The following DLGAP1 variants were observed in gnomAD, a reference collection of about 807,000 sequenced individuals.
DLGAP1 encodes DLG associated protein 1, also known as disks large-associated protein 1.
DLGAP1 carries 11 observed loss-of-function variants against 90.8 expected under a neutral mutation model. The ratio of observed to expected loss-of-function variants is 0.12; its 90% CI spans 0.08 to 0.20. The LOEUF (loss-of-function observed/expected upper bound fraction) is 0.20. Ranked by LOEUF, DLGAP1 falls within the 10% of genes least tolerant of loss-of-function variation. The pLI, the probability that DLGAP1 is intolerant of heterozygous loss-of-function variation, is 1.00. For synonymous variants in DLGAP1, 558 were observed against 540.7 expected (o/e 1.03, Z -0.44); for missense variants, 1,050 against 1,333.8 (o/e 0.79, Z 3.31).
chr18:3,926,419 TATACAC>T lies in DLGAP1; in HGVS notation c.-72-46285_-72-46280del, dbSNP rs1436913600. ...CAAATGACATATATATATATATATA[TATACAC>T]ACACACACACACACACACACATGCA... On this transcript the variant is annotated intron_variant, in intron 3 of 12. Transcript: ENST00000315677. 6.5e-4 allele frequency among the ~76,000 whole-genome samples: 79 copies of T among 122,454 alleles called. No homozygotes were observed. In the East Asian group the frequency reaches 0.011, roughly 17 times the overall value. The allele number at this position is 122,454 out of a possible 152,430, so 80.3% of individuals were successfully genotyped here. A position where few individuals can be genotyped will look rare whatever the true frequency, so the allele number is the denominator to read the frequency against.
rs1343251295 is a variant in DLGAP1 at position 4,338,210 on chromosome 18, A to G, written c.-267+116796T>C. Among the ~76,000 whole-genome samples the G allele has an allele frequency of 2.0e-5, 3 of 152,308 alleles. No individual in the cohort carries two copies. The East Asian group carries it at 5.8e-4, about 29-fold the overall frequency. On this transcript the variant is annotated intron_variant, in intron 1 of 12. Coordinates refer to ENST00000315677, the MANE Select transcript of DLGAP1 (RefSeq NM_004746.4). The stretch of plus-strand genomic sequence containing the variant: ...ATCATGATCACAAATAATTTCTTGG[A>G]AAGAAATTACATTTTTACTGTTAAA...
At chr18:3,642,968 C>A (rs1217889647) in intron 7 of DLGAP1, among the ~76,000 whole-genome samples, 1 of 152,182 alleles carries the variant, frequency 6.6e-6, no homozygotes, top group Non-Finnish European at 1.5e-5. Context: ...TATGCCTCCC[C>A]ACATATGAAA....
At chr18:3,618,219 A>C (rs959357744) in intron 7 of DLGAP1, among the ~76,000 whole-genome samples, 10 of 152,314 alleles carry the variant, frequency 6.6e-5, no homozygotes, top group African/African-American at 1.9e-4. Context: ...AACAGCAATT[A>C]CTCTAACAAG....
chr18:4,004,506 C>G (rs2149081767), intron 3 of DLGAP1, among the ~76,000 whole-genome samples: 1 of 152,010 alleles, frequency 6.6e-6, no homozygotes, highest in East Asian at 1.9e-4. Flanking sequence ...ATTTTTAGCC[C>G]TGAAATACAC....
At chr18:4,331,509 C>A (rs1425093800) in intron 1 of DLGAP1, among the ~76,000 whole-genome samples, 1 of 151,746 alleles carries the variant, frequency 6.6e-6, no homozygotes, top group East Asian at 1.9e-4. Context: ...CCCTCTGTAA[C>A]CCACCTTCAT....
At chr18:3,738,056 C>T (rs1455859496) in intron 6 of DLGAP1, among the ~76,000 whole-genome samples, 1 of 151,790 alleles carries the variant, frequency 6.6e-6, no homozygotes, top group Non-Finnish European at 1.5e-5. Flanking sequence ...ACCTACGAAT[C>T]CAACTTACAA....
chr18:4,099,447 C>A (rs551253836), intron 2 of DLGAP1, among the ~76,000 whole-genome samples: 7 of 152,152 alleles, frequency 4.6e-5, no homozygotes, highest in Admixed American at 2.0e-4. Flanking sequence ...TTTTCAGTTT[C>A]CCAATGCGTG....
chr18:3,692,068 T>C (rs1382315504), intron 7 of DLGAP1, among the ~76,000 whole-genome samples: 1 of 152,246 alleles, frequency 6.6e-6, no homozygotes, highest in Non-Finnish European at 1.5e-5. Flanking sequence ...TTTTCTTTAG[T>C]TCATCTTAAT....
chr18:3,580,622 G>C, intron 8 of DLGAP1: 1 of 1,592,738 alleles, frequency 6.3e-7, no homozygotes, highest in East Asian at 2.2e-5. Flanking sequence ...AGAATGTGCC[G>C]GTGAGCCTTT....
chr18:4,369,663 G>C (rs79914306), intron 1 of DLGAP1, among the ~76,000 whole-genome samples: 2 of 151,668 alleles, frequency 1.3e-5, no homozygotes, highest in African/African-American at 4.9e-5. Context: ...CCAGGCTCTC[G>C]GGGAATAAAG....
chr18:3,590,409 T>C (rs73381217), intron 7 of DLGAP1, among the ~76,000 whole-genome samples: 43,026 of 151,984 alleles, frequency 0.28, 6,135 homozygotes, highest in East Asian at 0.34. Context: ...GAAATCCAGG[T>C]TCCCCCCTGT....
intron 1 of DLGAP1, among the ~76,000 whole-genome samples, chr18:4,191,682 A>T (rs1204867339): frequency 6.6e-6 from 1 of 152,178 alleles, no homozygotes; most frequent in Non-Finnish European, 1.5e-5. Flanking sequence ...CTCTGTGGCT[A>T]ATTGTCCCCC....
At chr18:3,690,325 G>A (rs1254951909) in intron 7 of DLGAP1, among the ~76,000 whole-genome samples, 2 of 152,044 alleles carry the variant, frequency 1.3e-5, no homozygotes, top group African/African-American at 2.4e-5. Flanking sequence ...GGGCTCAAGC[G>A]ATCTGTCCCC....
chr18:4,172,248 T>C (rs1225324652), intron 1 of DLGAP1, among the ~76,000 whole-genome samples: 1 of 152,214 alleles, frequency 6.6e-6, no homozygotes, highest in Non-Finnish European at 1.5e-5. Context: ...ATAGAAGTTA[T>C]TGTGTTAATT....
intron 9 of DLGAP1, among the ~76,000 whole-genome samples, chr18:3,551,587 TTC>T (rs1201922655): frequency 7.4e-6 from 1 of 135,206 alleles, no homozygotes; most frequent in African/African-American, 2.7e-5. Context: ...TTTCTTTTCT[TTC>T]TTTCTTTTTC....
At chr18:3,692,476 G>T (rs922792997) in intron 7 of DLGAP1, among the ~76,000 whole-genome samples, 4 of 152,104 alleles carry the variant, frequency 2.6e-5, no homozygotes, top group African/African-American at 9.7e-5. Flanking sequence ...GTACACAATG[G>T]CCTACCTTCA....
chr18:4,333,525 A>C (rs139124027), intron 1 of DLGAP1, among the ~76,000 whole-genome samples: 1 of 151,552 alleles, frequency 6.6e-6, no homozygotes. Flanking sequence ...ATAATGGACC[A>C]TATCTTTAGA....
intron 7 of DLGAP1, among the ~76,000 whole-genome samples, chr18:3,629,528 C>T (rs551514168): frequency 2.0e-4 from 31 of 151,768 alleles, no homozygotes; most frequent in African/African-American, 4.4e-4. Flanking sequence ...AAAAATTAGC[C>T]GGGCGTGTTG....
chr18:4,333,884 G>A (rs2143762471), intron 1 of DLGAP1, among the ~76,000 whole-genome samples: 1 of 150,954 alleles, frequency 6.6e-6, no homozygotes, highest in Non-Finnish European at 1.5e-5. Context: ...ACAGGCGTGA[G>A]CCACCGCGCC....
Sources: gnomAD v4.1 joint callset for allele counts (sites outside exome capture counted in the v4.1 genomes callset) on GRCh38, gnomAD v4.1.1 for gene constraint, MANE v1.5 for transcripts, NCBI Gene and HGNC (gene_info 2026-07-23, HGNC 2026-07-21) for gene names.